The following USP34 variants were observed in gnomAD, a reference collection of about 807,000 sequenced individuals.
USP34 encodes the protein ubiquitin carboxyl-terminal hydrolase 34.
A neutral mutation model predicts 460.3 loss-of-function variants in USP34; 70 were observed. The observed-to-expected ratio is 0.15, with a 90% CI of 0.13 to 0.19. The LOEUF is 0.19. USP34 is among the 10% of genes least tolerant of loss of function. USP34 has a pLI of 1.00. For synonymous variants in USP34, 1,647 were observed against 1,405.3 expected (o/e 1.17, Z -3.85); for missense variants, 3,985 against 4,236.2 (o/e 0.94, Z 1.65).
chr2:61,400,553 TA>T (rs1289983829), intron 3 of USP34, among the ~76,000 whole-genome samples: 1 of 152,138 alleles, frequency 6.6e-6, no homozygotes, highest in Non-Finnish European at 1.5e-5. Context: ...GGTATTATTC[TA>T]AAAAATACTA....
rs759321669 is a variant in USP34 at position 61,319,331 on chromosome 2, G to C, written c.3014-4C>G. 1.2e-5 allele frequency: 19 copies of C among 1,521,280 alleles called. 1 individual carries two copies. In the South Asian group the frequency reaches 2.3e-4, roughly 18 times the overall value. The allele number at this position is 1,521,280 out of a possible 1,614,324, so 94.2% of individuals were successfully genotyped here. On this transcript the variant is annotated splice_region_variant and splice_polypyrimidine_tract_variant and intron_variant, in intron 21 of 79. Coordinates refer to ENST00000398571, the MANE Select transcript of USP34 (RefSeq NM_014709.4). ...TCAACTTGCTCTAAACTTAACCCTA[G>C]ATAAAAATTATAAATTTTATACTTT... is the stretch of plus-strand genomic sequence containing the variant.
chr2:61,248,257 A>G (rs1050876291), intron 49 of USP34, among the ~76,000 whole-genome samples: 2 of 151,528 alleles, frequency 1.3e-5, no homozygotes, highest in African/African-American at 4.8e-5. Flanking sequence ...TTTAAGCTCC[A>G]CAAGAGCAAC....
At chr2:61,457,995 T>C (rs551103777) in intron 1 of USP34, among the ~76,000 whole-genome samples, 2 of 152,320 alleles carry the variant, frequency 1.3e-5, no homozygotes, top group African/African-American at 4.8e-5. Flanking sequence ...TTTTCCCTTC[T>C]ATTATCAACC....
At chr2:61,236,128 G>A in intron 55 of USP34, 33 bp downstream of exon 55, 1 of 1,592,796 alleles carries the variant, frequency 6.3e-7, no homozygotes, top group Non-Finnish European at 8.5e-7. Flanking sequence ...AGTAAATTTT[G>A]ACAGAATTAT....
chr2:61,251,165 A>G (rs1168465678), intron 48 of USP34, among the ~76,000 whole-genome samples: 1 of 152,116 alleles, frequency 6.6e-6, no homozygotes, highest in Non-Finnish European at 1.5e-5. Context: ...AAATAAGTAA[A>G]TAAATAAACG....
chr2:61,191,099 A>T (rs1373824597), intron 76 of USP34: 1 of 155,970 alleles, frequency 6.4e-6, no homozygotes, highest in Non-Finnish European at 1.4e-5. Flanking sequence ...AAAATGTTTT[A>T]AACTTTACTG....
chr2:61,271,369 TATTA>T (rs897801365), intron 41 of USP34, among the ~76,000 whole-genome samples: 2 of 152,210 alleles, frequency 1.3e-5, no homozygotes, highest in African/African-American at 4.8e-5. Context: ...TTTTAATAAC[TATTA>T]TTTATTTCCA....
intron 61 of USP34, among the ~76,000 whole-genome samples, chr2:61,227,736 C>CAAAA (rs11328095): frequency 1.4e-5 from 2 of 148,136 alleles, no homozygotes; most frequent in Non-Finnish European, 1.5e-5. Flanking sequence ...AACAAACAAA[C>CAAAA]AAAAAAAAAA....
intron 75 of USP34, 66 bp downstream of exon 75, chr2:61,203,074 C>T: frequency 2.9e-6 from 4 of 1,363,360 alleles, no homozygotes; most frequent in South Asian, 2.1e-5. Flanking sequence ...AATTTTTCTC[C>T]CCTTCCTGAA....
intron 41 of USP34, among the ~76,000 whole-genome samples, chr2:61,274,071 C>T (rs1689299659): frequency 6.6e-6 from 1 of 150,940 alleles, no homozygotes; most frequent in South Asian, 2.1e-4. Context: ...ATACACCTGA[C>T]TACATGAAAA....
Position 61,469,675 on chromosome 2 carries a change from CACAA to C in USP34, c.43+971_43+974del, listed in dbSNP as rs531837504. 7.8e-4 allele frequency among the ~76,000 whole-genome samples: 119 copies of C among 152,290 alleles called. 3 individuals are homozygous for C. In the East Asian group the frequency reaches 0.018, roughly 23 times the overall value. ...ATAGTCTGAAAGTCTGTGGAAATAT[CACAA>C]ACAGAATACAAATCCAAAACCCACA... On this transcript the variant is annotated intron_variant, in intron 1 of 79. Coordinates refer to ENST00000398571, the MANE Select transcript of USP34 (RefSeq NM_014709.4).
chr2:61,274,068 T>G (rs1269335396), intron 41 of USP34, among the ~76,000 whole-genome samples: 1 of 151,384 alleles, frequency 6.6e-6, no homozygotes, highest in African/African-American at 2.4e-5. Flanking sequence ...TCAATACACC[T>G]GACTACATGA....
chr2:61,265,346 A>C (rs1481242857), intron 43 of USP34, 51 bp downstream of exon 43: 1 of 1,549,296 alleles, frequency 6.5e-7, no homozygotes, highest in African/African-American at 1.4e-5. Context: ...TATCAACAAA[A>C]TATTAAAATC....
intron 1 of USP34, among the ~76,000 whole-genome samples, chr2:61,424,882 T>C (rs1201498722): frequency 2.0e-5 from 3 of 152,068 alleles, no homozygotes; most frequent in African/African-American, 7.2e-5. Flanking sequence ...CAGGGTAGAG[T>C]GCAATGGTGC....
intron 43 of USP34, 82 bp downstream of exon 43, chr2:61,265,315 T>C: frequency 7.0e-7 from 1 of 1,434,152 alleles, no homozygotes; most frequent in Non-Finnish European, 9.4e-7. Flanking sequence ...TTCAAACATT[T>C]ACTACATTGA....
chr2:61,216,324 G>A (rs775192647), intron 67 of USP34, among the ~76,000 whole-genome samples: 14 of 152,212 alleles, frequency 9.2e-5, no homozygotes, highest in Non-Finnish European at 1.3e-4. Flanking sequence ...TTGGCGGCTG[G>A]GTGCGGTGGC....
intron 10 of USP34, among the ~76,000 whole-genome samples, chr2:61,356,946 T>C (rs1692126166): frequency 6.6e-6 from 1 of 151,986 alleles, no homozygotes; most frequent in Non-Finnish European, 1.5e-5. Context: ...ACCAAGAAGA[T>C]ATGACCATAA....
chr2:61,245,163 G>A (rs1392583640), intron 51 of USP34, 47 bp downstream of exon 51: 1 of 1,434,300 alleles, frequency 7.0e-7, no homozygotes, highest in Non-Finnish European at 9.7e-7. Context: ...ATATGACAAA[G>A]CACTTGGAAG....
At chr2:61,315,329 A>G (rs1284845524) in intron 23 of USP34, among the ~76,000 whole-genome samples, 1 of 152,176 alleles carries the variant, frequency 6.6e-6, no homozygotes, top group Admixed American at 6.5e-5. Context: ...GCTTTCTTGT[A>G]TTCACAGAAA....
Sources: gnomAD v4.1 joint callset for allele counts (sites outside exome capture counted in the v4.1 genomes callset) on GRCh38, gnomAD v4.1.1 for gene constraint, MANE v1.5 for transcripts, NCBI Gene and HGNC (gene_info 2026-07-23, HGNC 2026-07-21) for gene names.